Variants in EPHA6 observed in about 807,000 individuals in gnomAD.
EPHA6 encodes ephrin type-A receptor 6.
In EPHA6, 50 loss-of-function variants were observed where a neutral mutation model predicts 112.0. The ratio of observed to expected loss-of-function variants is 0.45; its 90% CI spans 0.36 to 0.56. The LOEUF is 0.56. EPHA6 is among the 20% of genes least tolerant of loss of function. The pLI is 0.00. For synonymous variants in EPHA6, 529 were observed against 490.7 expected (o/e 1.08, Z -1.03); for missense variants, 1,280 against 1,417.4 (o/e 0.90, Z 1.56).
intron 11 of EPHA6, among the ~76,000 whole-genome samples, chr3:97,542,349 G>GT (rs1235422249): frequency 6.6e-6 from 1 of 151,992 alleles, no homozygotes; most frequent in African/African-American, 2.4e-5. Flanking sequence ...GCGGTGTTTG[G>GT]TTTTTTGTCC....
chr3:97,476,975 C>A lies in EPHA6; in HGVS notation c.2003+1515C>A, dbSNP rs187673706. Among the ~76,000 whole-genome samples the A allele has an allele frequency of 1.9e-3, 291 of 152,160 alleles. 2 individuals carry two copies. Among genetic ancestry groups the A allele is most frequent in the African/African-American group, 6.7e-3 (277 of 41,522 alleles). Reference sequence around the variant, plus strand: ...CTACAGTAACAAGGAAAAAAACAGACATGAAAGAATGCAGGAAATAATGAT... The same window carrying A: ...CTACAGTAACAAGGAAAAAAACAGAAATGAAAGAATGCAGGAAATAATGAT... On this transcript the variant is annotated intron_variant, in intron 8 of 17. Transcript: ENST00000389672.
chr3:96,962,640 AT>A (rs78245110), intron 2 of EPHA6, among the ~76,000 whole-genome samples: 3,234 of 145,182 alleles, frequency 0.022, 88 homozygotes, highest in African/African-American at 0.059. Context: ...TTTAAGCTTA[AT>A]TTTTTTTTTT....
intron 3 of EPHA6, among the ~76,000 whole-genome samples, chr3:97,164,064 C>T (rs990397319): frequency 6.6e-6 from 1 of 152,132 alleles, no homozygotes; most frequent in African/African-American, 2.4e-5. Context: ...GCTTTTCTTT[C>T]TCCACTTCTT....
rs140718960 is a variant in EPHA6, at chr3:97,343,017, A to G, written c.1607-62133A>G. ...AATTGGGTAATGGGTATCGGTTAGAAAAGTTTTGAGGTATGTGCTAGAAAA... is the reference window on the plus strand; with the variant it reads ...AATTGGGTAATGGGTATCGGTTAGAGAAGTTTTGAGGTATGTGCTAGAAAA... On this transcript the variant is annotated intron_variant, in intron 5 of 17. Transcript: ENST00000389672. 1.1e-4 allele frequency among the ~76,000 whole-genome samples: 16 copies of G among 152,326 alleles called. No homozygotes were observed. The East Asian group carries it at 2.9e-3, about 28-fold the overall frequency.
At chr3:96,950,908 C>T (rs2041502656) in intron 2 of EPHA6, among the ~76,000 whole-genome samples, 1 of 151,938 alleles carries the variant, frequency 6.6e-6, no homozygotes, top group African/African-American at 2.4e-5. Flanking sequence ...TTAGTGATGG[C>T]TAATCATAAT....
chr3:97,577,747 T>C (rs1167658277), intron 11 of EPHA6, among the ~76,000 whole-genome samples: 1 of 152,194 alleles, frequency 6.6e-6, no homozygotes, highest in Non-Finnish European at 1.5e-5. Context: ...TAAAAGCAAA[T>C]TAAGAAGTTG....
At chr3:97,107,649 ATGT>A (rs1293613588) in intron 3 of EPHA6, among the ~76,000 whole-genome samples, 1 of 151,922 alleles carries the variant, frequency 6.6e-6, no homozygotes, top group Non-Finnish European at 1.5e-5. Flanking sequence ...CATGTTTTTA[ATGT>A]TGTTTCTATT....
chr3:97,757,594 T>C lies in EPHA6; in HGVS notation c.*8893T>C, dbSNP rs2036056481. 6.6e-6 allele frequency among the ~76,000 whole-genome samples: 1 copy of C among 151,676 alleles called. No individual in the cohort carries two copies. Among genetic ancestry groups the C allele is most frequent in the African/African-American group, 2.4e-5 (1 of 41,406 alleles). ...ATTTTTTTCCAGCCATCATTAAATA[T>C]AAAAATAGTATATATAAAGATGCAT... On this transcript the variant is annotated 3_prime_UTR_variant, in exon 18 of 18. Transcript: ENST00000389672.
chr3:96,876,058 C>G (rs1406953127), intron 2 of EPHA6, among the ~76,000 whole-genome samples: 1 of 150,504 alleles, frequency 6.6e-6, no homozygotes, highest in Non-Finnish European at 1.5e-5. Flanking sequence ...TAATCTGTAT[C>G]TAAATCCAGA....
intron 2 of EPHA6, among the ~76,000 whole-genome samples, chr3:96,985,544 A>C (rs2042989665): frequency 6.6e-6 from 1 of 152,130 alleles, no homozygotes; most frequent in African/African-American, 2.4e-5. Flanking sequence ...ATTAGGATGA[A>C]AGGCATTTAG....
In EPHA6 at chr3:96,882,768, G is replaced by GTGTGTGTATATA. The variant is rs774521290; in HGVS notation, c.450+15880_450+15881insGTGTGTATATAT. ...TGTGTGTGTGTGTGTGTGTGTGTGTGTATAGTCAATCATCAATCTATGTGA... is the reference window on the plus strand; with the variant it reads ...TGTGTGTGTGTGTGTGTGTGTGTGTGTGTGTGTATATATATAGTCAATCATCAATCTATGTGA... On this transcript the variant is annotated intron_variant, in intron 2 of 17. Transcript: ENST00000389672. Among the ~76,000 whole-genome samples the GTGTGTGTATATA allele has an allele frequency of 8.4e-4, 125 of 148,896 alleles. No individual in the cohort carries two copies. The East Asian group carries it at 0.014, about 16-fold the overall frequency.
In EPHA6 at chr3:97,750,518, G is replaced by A. The variant is rs371998207; in HGVS notation, c.*1817G>A. Among the ~76,000 whole-genome samples, 546 of 151,810 alleles carry A rather than the reference G, an allele frequency of 3.6e-3. 2 individuals are homozygous for A. The highest frequency in any genetic ancestry group is 0.011 in the African/African-American group (441 of 41,404). On this transcript the variant is annotated 3_prime_UTR_variant, in exon 18 of 18. Transcript: ENST00000389672. ...ATTACAGGCGCCTGCCACCACTCCC[G>A]GCTAATTTTTGTATTTTTAGTAGAG...
At chr3:96,969,905 A>G (rs534347204) in intron 2 of EPHA6, among the ~76,000 whole-genome samples, 3 of 152,040 alleles carry the variant, frequency 2.0e-5, no homozygotes, top group South Asian at 4.1e-4. Flanking sequence ...TTGTCTATCA[A>G]TGTACATTAA....
At chr3:97,221,946 C>G (rs1439129658) in intron 3 of EPHA6, among the ~76,000 whole-genome samples, 1 of 151,250 alleles carries the variant, frequency 6.6e-6, no homozygotes, top group Non-Finnish European at 1.5e-5. Flanking sequence ...AGGAGAATTG[C>G]TTGATCTGGG....
chr3:97,238,599 T>C (rs2078749666), intron 4 of EPHA6, among the ~76,000 whole-genome samples: 1 of 151,984 alleles, frequency 6.6e-6, no homozygotes. Flanking sequence ...GTTATTGTGA[T>C]GATTGAGTGA....
intron 5 of EPHA6, among the ~76,000 whole-genome samples, chr3:97,376,330 A>G (rs2085351414): frequency 6.6e-6 from 1 of 152,174 alleles, no homozygotes; most frequent in African/African-American, 2.4e-5. Flanking sequence ...ATTGACCTAT[A>G]TGTGGAAGTA....
Position 97,735,960 on chromosome 3 carries a change from A to C in EPHA6, c.2970A>C (p.Pro990=). The C allele has an allele frequency of 6.2e-7, 1 of 1,612,154 alleles. No homozygotes were observed. The highest frequency in any genetic ancestry group is 1.1e-5 in the South Asian group (1 of 90,918). Residue 990 remains proline, a synonymous_variant, in exon 16 of 18, where the codon CCA becomes CCC. Coordinates refer to ENST00000389672, the MANE Select transcript of EPHA6 (RefSeq NM_001080448.3). ...CCATTGAAGAAGGGTACAGACTTCC[A>C]GCTCCCATGGGCTGTCCAGCATCTC... ...ILSIEEGYRL[P]APMGCPASLH...
At chr3:97,495,819 C>T (rs1294190059) in intron 10 of EPHA6, among the ~76,000 whole-genome samples, 3 of 152,146 alleles carry the variant, frequency 2.0e-5, no homozygotes, top group Non-Finnish European at 4.4e-5. Context: ...CTATCTCTCA[C>T]TCTTTATAGA....
intron 2 of EPHA6, among the ~76,000 whole-genome samples, chr3:96,881,466 C>T (rs1213761305): frequency 1.3e-5 from 2 of 152,080 alleles, no homozygotes; most frequent in Non-Finnish European, 2.9e-5. Flanking sequence ...CCATGAGAAC[C>T]GTATGGGGGA....
Sources: gnomAD v4.1 joint callset for allele counts (sites outside exome capture counted in the v4.1 genomes callset) on GRCh38, gnomAD v4.1.1 for gene constraint, MANE v1.5 for transcripts, NCBI Gene and HGNC (gene_info 2026-07-23, HGNC 2026-07-21) for gene names.